The following SPSB4 variants were observed in gnomAD, a reference collection of about 807,000 sequenced individuals.
SPSB4 encodes the protein SPRY domain-containing SOCS box protein 4.
In SPSB4, 21 loss-of-function variants were observed where a neutral mutation model predicts 20.9. That is an observed-to-expected ratio of 1.01 (90% CI 0.71 to 1.45). SPSB4 has a LOEUF of 1.45. Among genes scored for constraint, SPSB4 ranks in the 40% most tolerant of loss-of-function variants. The pLI is 0.00. For synonymous variants in SPSB4, 207 were observed against 183.8 expected, an observed-to-expected ratio of 1.13 and a Z score of -1.02; for missense variants, 399 against 399.2, an observed-to-expected ratio of 1.00 and a Z score of 0.00.
Position 141,105,245 on chromosome 3 carries a change from C to G in SPSB4, c.694+38447C>G, listed in dbSNP as rs150578436. 9.7e-3 allele frequency among the ~76,000 whole-genome samples: 1,481 copies of G among 152,254 alleles called. 29 individuals are homozygous for G. Among genetic ancestry groups the G allele is most frequent in the African/African-American group, 0.034 (1,422 of 41,540 alleles). On this transcript the variant is annotated intron_variant, in intron 2 of 2. Transcript: ENST00000310546. ...TTTGAGGCTGAGGTGCGTGGTGAAA[C>G]GGGATGTTACACACTGAAGTTGAAA...
chr3:141,083,589 C>T (rs149288470), intron 2 of SPSB4, among the ~76,000 whole-genome samples: 19 of 152,178 alleles, frequency 1.2e-4, no homozygotes, highest in African/African-American at 4.1e-4. Context: ...CATCCCCCGG[C>T]GGGCAAGTCT....
At chr3:141,077,146 G>T (rs7624581) in intron 2 of SPSB4, 1 of 152,146 alleles carries the variant, frequency 6.6e-6, no homozygotes, top group Admixed American at 6.5e-5. Context: ...TCAAGCAAAG[G>T]CTGTGCCGCT....
chr3:141,132,652 GTATA>G (rs61229879), intron 2 of SPSB4, among the ~76,000 whole-genome samples: 19,245 of 148,512 alleles, frequency 0.13, 1,784 homozygotes, highest in Admixed American at 0.24. Context: ...CAAGGTGTGT[GTATA>G]TATATATATA....
At chr3:141,132,995 T>C (rs914674758) in intron 2 of SPSB4, among the ~76,000 whole-genome samples, 8 of 152,100 alleles carry the variant, frequency 5.3e-5, no homozygotes, top group Non-Finnish European at 1.5e-5. Context: ...TCTTAAATTA[T>C]GGCCATTCTT....
chr3:141,147,647 G>T lies in SPSB4; in HGVS notation c.*378G>T. 5.5e-6 allele frequency: 1 copy of T among 183,236 alleles called. No individual in the cohort carries two copies. Among genetic ancestry groups the T allele is most frequent in the Non-Finnish European group, 1.2e-5 (1 of 86,280 alleles). 11.4% of individuals were successfully genotyped at this position (183,236 alleles called of 1,614,324 possible). A position where few individuals can be genotyped will look rare whatever the true frequency, so the allele number is the denominator to read the frequency against. Reference sequence around the variant, plus strand: ...CAGGAGACTTTCTATTGTGTGCCCCGTTGCAGACAGGGCCAGGGAGAAATT... The same window carrying T: ...CAGGAGACTTTCTATTGTGTGCCCCTTTGCAGACAGGGCCAGGGAGAAATT... On this transcript the variant is annotated 3_prime_UTR_variant, in exon 3 of 3. Transcript: ENST00000310546.
At position 141,065,956 on chromosome 3, in the gene SPSB4, T is replaced by C; in HGVS notation, c.-149T>C. 3.0e-6 allele frequency: 2 copies of C among 674,076 alleles called. No homozygotes were observed. The highest frequency in any genetic ancestry group is 2.3e-6 in the Non-Finnish European group (1 of 430,298). The allele number at this position is 674,076 out of a possible 1,614,324, so 41.8% of individuals were successfully genotyped here. On this transcript the variant is annotated 5_prime_UTR_variant, in exon 2 of 3. Transcript: ENST00000310546. ...GTGCCCTTTGCTTCCTTCCAGGAGC[T>C]TGGGCCCCTGCCGCAGCCCGGTAGA... is the stretch of plus-strand genomic sequence containing the variant.
chr3:141,145,037 G>C (rs1194087329), intron 2 of SPSB4, among the ~76,000 whole-genome samples: 1 of 152,022 alleles, frequency 6.6e-6, no homozygotes, highest in Non-Finnish European at 1.5e-5. Flanking sequence ...ACAGTGATTG[G>C]GTGACTGGGA....
At chr3:141,118,919 A>G (rs1400339025) in intron 2 of SPSB4, among the ~76,000 whole-genome samples, 2 of 152,194 alleles carry the variant, frequency 1.3e-5, no homozygotes, top group African/African-American at 2.4e-5. Context: ...GAAGTCAGGT[A>G]GCTTGATGCC....
intron 2 of SPSB4, among the ~76,000 whole-genome samples, chr3:141,085,865 C>T (rs560862483): frequency 1.4e-4 from 21 of 152,324 alleles, no homozygotes; most frequent in African/African-American, 4.8e-4. Flanking sequence ...TGGCACATGG[C>T]CAGCCATCCC....
Position 141,066,042 on chromosome 3 carries a change from C to CG in SPSB4, c.-59dup. 7 of 1,378,724 alleles carry CG rather than the reference C, an allele frequency of 5.1e-6. No individual in the cohort carries two copies. The highest frequency in any genetic ancestry group is 6.6e-6 in the Non-Finnish European group (7 of 1,056,554). 85.4% of individuals were successfully genotyped at this position (1,378,724 alleles called of 1,614,324 possible). A position where few individuals can be genotyped will look rare whatever the true frequency, so the allele number is the denominator to read the frequency against. On this transcript the variant is annotated 5_prime_UTR_variant, in exon 2 of 3. The change abolishes the stop of an existing upstream ORF in the 5' untranslated region. Coordinates refer to ENST00000310546, the MANE Select transcript of SPSB4 (RefSeq NM_080862.3). ...CAGCCCCGTGGCCCATTCCTGGCTA[C>CG]GGGGAGTGGAGGCTCCCACGAGGTA...
At chr3:141,078,109 G>T (rs1306732941) in intron 2 of SPSB4, among the ~76,000 whole-genome samples, 1 of 152,188 alleles carries the variant, frequency 6.6e-6, no homozygotes, top group Admixed American at 6.5e-5. Context: ...ATGGGCCCAG[G>T]GCTTCTCCTC....
intron 2 of SPSB4, among the ~76,000 whole-genome samples, chr3:141,094,289 C>T (rs936150682): frequency 2.0e-5 from 3 of 152,202 alleles, no homozygotes; most frequent in South Asian, 2.1e-4. Context: ...AGCACTGGGC[C>T]GGCTCAGAGC....
chr3:141,099,185 CTTT>C (rs368249255), intron 2 of SPSB4, among the ~76,000 whole-genome samples: 4 of 139,328 alleles, frequency 2.9e-5, no homozygotes, highest in African/African-American at 5.3e-5. Context: ...GATAATATGA[CTTT>C]TTTTTTTTTT....
At chr3:141,106,056 G>C (rs1406883256) in intron 2 of SPSB4, among the ~76,000 whole-genome samples, 2 of 152,208 alleles carry the variant, frequency 1.3e-5, no homozygotes, top group Non-Finnish European at 2.9e-5. Flanking sequence ...TTGGAAGTGA[G>C]AATTCAGAGG....
intron 2 of SPSB4, among the ~76,000 whole-genome samples, chr3:141,109,792 T>A (rs1938763341): frequency 6.6e-6 from 1 of 152,036 alleles, no homozygotes; most frequent in Admixed American, 6.5e-5. Flanking sequence ...GCCTTCCAGG[T>A]ATTTTATTTT....
At chr3:141,054,583 A>G (rs1937602009) in intron 1 of SPSB4, among the ~76,000 whole-genome samples, 1 of 152,222 alleles carries the variant, frequency 6.6e-6, no homozygotes, top group African/African-American at 2.4e-5. Context: ...ACCAGTTATC[A>G]TGAACTTTGT....
chr3:141,112,637 T>G (rs1205918612), intron 2 of SPSB4, among the ~76,000 whole-genome samples: 4 of 65,380 alleles, frequency 6.1e-5, no homozygotes, highest in African/African-American at 3.5e-4. Flanking sequence ...AGAGCGAGAC[T>G]CCGTCTCAAA....
intron 2 of SPSB4, among the ~76,000 whole-genome samples, chr3:141,082,912 C>T (rs895447524): frequency 4.1e-5 from 6 of 147,602 alleles, no homozygotes; most frequent in East Asian, 2.1e-4. Flanking sequence ...AAACGCTCTA[C>T]GCCATCCCTG....
intron 2 of SPSB4, 138 bp downstream of exon 2, chr3:141,066,936 A>C: frequency 1.2e-6 from 1 of 842,106 alleles, no homozygotes; most frequent in Non-Finnish European, 1.6e-6. Context: ...TTCAATCCTG[A>C]CTCTCTGCTG....
Sources: gnomAD v4.1 joint callset for allele counts (sites outside exome capture counted in the v4.1 genomes callset) on GRCh38, gnomAD v4.1.1 for gene constraint, MANE v1.5 for transcripts, NCBI Gene and HGNC (gene_info 2026-07-23, HGNC 2026-07-21) for gene names.